The following NFATC1 variants were observed in gnomAD, a reference collection of about 807,000 sequenced individuals.
The protein encoded by NFATC1 is nuclear factor of activated T cells 1.
NFATC1 carries 22 observed loss-of-function variants against 76.0 expected under a neutral mutation model. That is an observed-to-expected ratio of 0.29 (90% CI 0.21 to 0.41). NFATC1 has a LOEUF of 0.41. Among genes scored for constraint, NFATC1 ranks in the 10% least tolerant of loss-of-function variants. NFATC1 has a pLI of 1.00. For synonymous variants in NFATC1, 704 were observed against 613.1 expected, an observed-to-expected ratio of 1.15 and a Z score of -2.19; for missense variants, 1,357 against 1,337.7, an observed-to-expected ratio of 1.01 and a Z score of -0.23.
intron 3 of NFATC1, among the ~76,000 whole-genome samples, chr18:79,439,540 A>C (rs2086898127): frequency 6.6e-6 from 1 of 152,186 alleles, no homozygotes; most frequent in Non-Finnish European, 1.5e-5. Context: ...CTTTCAGCAC[A>C]ATTTCAGGGC....
intron 9 of NFATC1, among the ~76,000 whole-genome samples, chr18:79,525,868 G>A (rs1003151509): frequency 6.6e-6 from 1 of 152,236 alleles, no homozygotes; most frequent in African/African-American, 2.4e-5. Flanking sequence ...GACGTCTTTT[G>A]TAGCAAGGCT....
rs368703221 is a variant in NFATC1 at position 79,486,756 on chromosome 18, G to A, written c.2601G>A (p.Ala867=). 3.5e-5 allele frequency: 56 copies of A among 1,604,250 alleles called. No homozygotes were observed. The highest frequency in any genetic ancestry group is 2.7e-4 in the African/African-American group (20 of 74,890). ...EPTCLQPCSP[A]CPPATGRPQH... ...CCTGCCTGCAGCCCTGCAGCCCAGC[G>A]TGCCCGCCCGCCACGGGCCGCCCGC... The change falls in exon 9 of 10, where the codon GCG becomes GCA. Residue 867 remains alanine, a synonymous_variant. Transcript: ENST00000427363.
chr18:79,439,096 T>C (rs1008461034), intron 3 of NFATC1, among the ~76,000 whole-genome samples: 2 of 152,284 alleles, frequency 1.3e-5, no homozygotes, highest in African/African-American at 4.8e-5. Flanking sequence ...AGCAGGTTCC[T>C]GAGAGCCCGT....
intron 9 of NFATC1, chr18:79,498,088 C>T (rs2089936362): frequency 6.7e-6 from 1 of 150,054 alleles, no homozygotes; most frequent in African/African-American, 2.5e-5. Flanking sequence ...AATCTCATTT[C>T]AGAGTCGCTA....
chr18:79,481,433 G>C (rs1369397574), intron 8 of NFATC1, among the ~76,000 whole-genome samples: 2 of 152,218 alleles, frequency 1.3e-5, no homozygotes, highest in African/African-American at 4.8e-5. Context: ...AATGTAAAAC[G>C]AGGCGGGTAG....
chr18:79,489,885 G>A lies in NFATC1; in HGVS notation c.2782+2948G>A, dbSNP rs56269905. ...CAAGCTTTCGGGGTTAGCGTACGGC[G>A]CTAGGCGGTGCCGCTTCGGGGGTCG... is the stretch of plus-strand genomic sequence containing the variant. On this transcript the variant is annotated intron_variant, in intron 9 of 9. Coordinates refer to ENST00000427363, the MANE Select transcript of NFATC1 (RefSeq NM_001278669.2). 4.6e-3 allele frequency among the ~76,000 whole-genome samples: 704 copies of A among 152,338 alleles called. 4 individuals are homozygous for A. The highest frequency in any genetic ancestry group is 6.8e-3 in the Middle Eastern group (2 of 294).
At chr18:79,484,113 G>A (rs919387403) in intron 8 of NFATC1, among the ~76,000 whole-genome samples, 1 of 151,960 alleles carries the variant, frequency 6.6e-6, no homozygotes, top group African/African-American at 2.4e-5. Flanking sequence ...TGGGGTGGCT[G>A]ACGAGGCGGG....
chr18:79,526,007 G>A (rs774731724), intron 9 of NFATC1, among the ~76,000 whole-genome samples: 4 of 152,260 alleles, frequency 2.6e-5, no homozygotes, highest in African/African-American at 4.8e-5. Context: ...CACAGTGGGC[G>A]GGAGGCCGCT....
chr18:79,497,148 C>A (rs922260781), intron 9 of NFATC1: 1 of 152,276 alleles, frequency 6.6e-6, no homozygotes, highest in Admixed American at 6.5e-5. Context: ...TTTGCTAAGG[C>A]ACGTTTCCAT....
chr18:79,439,791 G>T (rs566618596), intron 3 of NFATC1, among the ~76,000 whole-genome samples: 1 of 152,302 alleles, frequency 6.6e-6, no homozygotes, highest in East Asian at 1.9e-4. Flanking sequence ...CTAAAGCAAA[G>T]CCCACGGGCT....
In NFATC1 at chr18:79,512,026, G is replaced by A. The variant is rs145493369; in HGVS notation, c.2783-15502G>A. 4.0e-4 allele frequency among the ~76,000 whole-genome samples: 61 copies of A among 152,232 alleles called. No homozygotes were observed. In the East Asian group the frequency reaches 7.5e-3, roughly 19 times the overall value. ...GGATGCGCAGGTGGCGGGAGCACGC[G>A]GGGCACAGGAGCCTGTCCCGGCAAT... is the stretch of plus-strand genomic sequence containing the variant. On this transcript the variant is annotated intron_variant, in intron 9 of 9. Transcript: ENST00000427363.
intron 9 of NFATC1, among the ~76,000 whole-genome samples, chr18:79,511,033 C>A (rs2090236752): frequency 1.3e-5 from 2 of 152,226 alleles, no homozygotes; most frequent in Admixed American, 1.3e-4. Context: ...TGGCGTGGGC[C>A]CGCGGTGTCT....
At chr18:79,486,200 A>C (rs2089488290) in intron 8 of NFATC1, 48 bp from the exon 9 acceptor site, 2 of 1,541,736 alleles carry the variant, frequency 1.3e-6, no homozygotes, top group African/African-American at 1.4e-5. Context: ...GCCTGATCAC[A>C]CTCATTCGCA....
intron 9 of NFATC1, among the ~76,000 whole-genome samples, chr18:79,495,690 G>A (rs1239389593): frequency 6.6e-5 from 10 of 152,272 alleles, no homozygotes; most frequent in African/African-American, 2.4e-4. Context: ...CCGCGACTGC[G>A]CGTCTGGGCA....
intron 2 of NFATC1, among the ~76,000 whole-genome samples, chr18:79,415,533 C>G (rs603435): frequency 6.6e-5 from 10 of 151,826 alleles, no homozygotes; most frequent in Non-Finnish European, 1.5e-4. Flanking sequence ...CCACCCGCCT[C>G]GGCCTCCCAA....
In NFATC1 at chr18:79,396,042, G is replaced by A. The variant is rs1368566433; in HGVS notation, c.-183G>A. The A allele has an allele frequency of 9.3e-6, 6 of 643,780 alleles. No individual in the cohort carries two copies. The Admixed American group carries it at 2.1e-4, about 23-fold the overall frequency. The allele number at this position is 643,780 out of a possible 1,614,324, so 39.9% of individuals were successfully genotyped here. On this transcript the variant is annotated 5_prime_UTR_variant, in exon 1 of 10. Transcript: ENST00000427363. ...GGCAGGGCTCGGAGCCACCGCGCAG[G>A]TCCTAGGGCCGCGGCCGGGCCCCGC...
chr18:79,451,522 C>T (rs1459505782), intron 5 of NFATC1, among the ~76,000 whole-genome samples, 154 bp from the exon 6 acceptor site: 1 of 152,230 alleles, frequency 6.6e-6, no homozygotes, highest in Non-Finnish European at 1.5e-5. Flanking sequence ...GGCTTCTCCC[C>T]TAGAAGTAGT....
intron 3 of NFATC1, among the ~76,000 whole-genome samples, chr18:79,446,563 G>T (rs886772203): frequency 2.6e-5 from 4 of 152,214 alleles, no homozygotes; most frequent in African/African-American, 9.7e-5. Context: ...CCCACAGAGA[G>T]TTAAGGTATC....
intron 3 of NFATC1, among the ~76,000 whole-genome samples, chr18:79,445,178 G>T (rs1018090890): frequency 1.3e-5 from 2 of 152,334 alleles, no homozygotes; most frequent in East Asian, 3.9e-4. Flanking sequence ...CATCAAATTG[G>T]ATTTTTCTTA....
Sources: gnomAD v4.1 joint callset for allele counts (sites outside exome capture counted in the v4.1 genomes callset) on GRCh38, gnomAD v4.1.1 for gene constraint, MANE v1.5 for transcripts, NCBI Gene and HGNC (gene_info 2026-07-23, HGNC 2026-07-21) for gene names.